Variants in CPNE8 observed in about 807,000 individuals in gnomAD.
CPNE8 encodes copine-8.
A neutral mutation model predicts 81.5 loss-of-function variants in CPNE8; 45 were observed. The ratio of observed to expected loss-of-function variants is 0.55; its 90% confidence interval spans 0.44 to 0.71. CPNE8 has a LOEUF of 0.71. Among genes scored for constraint, CPNE8 ranks in the 30% least tolerant of loss-of-function variants. The pLI, the probability that CPNE8 is intolerant of heterozygous loss-of-function variation, is 0.00. For missense variants in CPNE8, 594 were observed against 672.1 expected, an observed-to-expected ratio of 0.88 and a Z score of 1.28; for synonymous variants, 252 against 226.3, an observed-to-expected ratio of 1.11 and a Z score of -1.02.
At chr12:38,702,992 G>T in intron 13 of CPNE8, 71 bp from the exon 14 acceptor site, 3 of 1,101,126 alleles carry the variant, frequency 2.7e-6, no homozygotes, top group Middle Eastern at 2.1e-4. Flanking sequence ...TTCCATTTCG[G>T]TTATATTTTT....
intron 19 of CPNE8, among the ~76,000 whole-genome samples, chr12:38,665,482 C>A (rs1004118145): frequency 2.0e-5 from 3 of 151,938 alleles, no homozygotes; most frequent in African/African-American, 7.3e-5. Flanking sequence ...GCTCTAGCTG[C>A]TTGCTTTACC....
intron 6 of CPNE8, among the ~76,000 whole-genome samples, chr12:38,807,224 C>T (rs1942830192): frequency 6.7e-6 from 1 of 149,488 alleles, no homozygotes; most frequent in African/African-American, 2.4e-5. Context: ...CTACCAATGA[C>T]TTTCTTCACA....
At chr12:38,778,850 A>G (rs1323557984) in intron 6 of CPNE8, among the ~76,000 whole-genome samples, 1 of 152,186 alleles carries the variant, frequency 6.6e-6, no homozygotes. Flanking sequence ...AGTATGTAAT[A>G]TACAGTCATG....
In CPNE8 at chr12:38,839,958, A is replaced by G; in HGVS notation, c.291-3T>C. 6.3e-7 allele frequency: 1 copy of G among 1,579,344 alleles called. No individual in the cohort carries two copies. On this transcript the variant is annotated splice_region_variant and splice_polypyrimidine_tract_variant and intron_variant, in intron 4 of 19. Transcript: ENST00000331366. ...GGCTCTTTGAATCAACATCATACCT[A>G]AAAGATTGAAATATAAAACTCAAAT...
At chr12:38,891,138 C>T (rs544243123) in intron 1 of CPNE8, among the ~76,000 whole-genome samples, 1 of 151,782 alleles carries the variant, frequency 6.6e-6, no homozygotes, top group Non-Finnish European at 1.5e-5. Flanking sequence ...ACCCTGTTGT[C>T]CAGGCTGATT....
intron 10 of CPNE8, among the ~76,000 whole-genome samples, chr12:38,756,967 A>G (rs1185516298): frequency 6.6e-6 from 1 of 152,200 alleles, no homozygotes; most frequent in Non-Finnish European, 1.5e-5. Context: ...TATTAAAATG[A>G]CAATATTCTG....
At chr12:38,861,339 A>C (rs1943831092) in intron 3 of CPNE8, among the ~76,000 whole-genome samples, 1 of 152,120 alleles carries the variant, frequency 6.6e-6, no homozygotes, top group African/African-American at 2.4e-5. Context: ...TACACTTAAA[A>C]TTTTTTAAAG....
At chr12:38,723,677 G>C in intron 13 of CPNE8, 95 bp downstream of exon 13, 1 of 775,164 alleles carries the variant, frequency 1.3e-6, no homozygotes, top group Non-Finnish European at 2.3e-6. Flanking sequence ...TATAATAAAG[G>C]TGATCATTTC....
In CPNE8 at chr12:38,652,283, G is replaced by A. The variant is rs1261307752; in HGVS notation, c.*1599C>T. On this transcript the variant is annotated 3_prime_UTR_variant, in exon 20 of 20. Transcript: ENST00000331366. ...AATCTGTAGGTAATACACTGTAGTG[G>A]CATAAATATTTAAGATCAGTAAAGG... The A allele has an allele frequency of 6.6e-6, 1 of 152,122 alleles. No individual in the cohort carries two copies. The highest frequency in any genetic ancestry group is 1.9e-4 in the East Asian group (1 of 5,192). The allele number at this position is 152,122 out of a possible 1,614,324, so 9.4% of individuals were successfully genotyped here. A position where few individuals can be genotyped will look rare whatever the true frequency, so the allele number is the denominator to read the frequency against.
chr12:38,753,181 G>A (rs1316948867), intron 10 of CPNE8, among the ~76,000 whole-genome samples: 1 of 152,210 alleles, frequency 6.6e-6, no homozygotes, highest in South Asian at 2.1e-4. Flanking sequence ...GCAGGGTGTA[G>A]TGGCTCATGC....
chr12:38,835,006 C>T (rs1943356976), intron 5 of CPNE8, among the ~76,000 whole-genome samples: 1 of 152,010 alleles, frequency 6.6e-6, no homozygotes, highest in Non-Finnish European at 1.5e-5. Context: ...CCTGCCTCAG[C>T]CTCCTGAGTA....
chr12:38,679,597 T>C (rs1440218639), intron 16 of CPNE8: 8 of 984,988 alleles, frequency 8.1e-6, no homozygotes, highest in Non-Finnish European at 9.6e-6. Context: ...TTAAGTTCTG[T>C]CCAATCCATT....
chr12:38,669,154 T>C (rs1939120711), intron 19 of CPNE8, among the ~76,000 whole-genome samples: 1 of 152,190 alleles, frequency 6.6e-6, no homozygotes, highest in Non-Finnish European at 1.5e-5. Flanking sequence ...AACCTAATCA[T>C]TTATGTGAGT....
intron 1 of CPNE8, among the ~76,000 whole-genome samples, chr12:38,896,628 C>T (rs1167660458): frequency 6.6e-6 from 1 of 152,094 alleles, no homozygotes; most frequent in Non-Finnish European, 1.5e-5. Flanking sequence ...AGCAGACTAC[C>T]TCCTACCTGT....
At chr12:38,682,332 C>T (rs1190499588) in intron 16 of CPNE8, among the ~76,000 whole-genome samples, 7 of 152,016 alleles carry the variant, frequency 4.6e-5, no homozygotes, top group South Asian at 2.1e-4. Flanking sequence ...CCAAGGCGGG[C>T]GGATCGCCTG....
chr12:38,729,194 A>G (rs1250475867), intron 11 of CPNE8, among the ~76,000 whole-genome samples: 1 of 152,124 alleles, frequency 6.6e-6, no homozygotes, highest in Non-Finnish European at 1.5e-5. Flanking sequence ...GATGTTAGGC[A>G]GACAAAATAG....
chr12:38,886,795 T>C (rs1159547192), intron 1 of CPNE8, among the ~76,000 whole-genome samples: 1 of 152,094 alleles, frequency 6.6e-6, no homozygotes, highest in Non-Finnish European at 1.5e-5. Flanking sequence ...AAGGAATATA[T>C]AATAGGAAAC....
intron 10 of CPNE8, among the ~76,000 whole-genome samples, chr12:38,748,539 C>T (rs892521218): frequency 2.0e-5 from 3 of 151,766 alleles, no homozygotes; most frequent in Admixed American, 2.0e-4. Context: ...CTCGCTCTGT[C>T]GCCCAGGCTG....
intron 1 of CPNE8, among the ~76,000 whole-genome samples, chr12:38,893,864 GGAAT>G (rs1273196549): frequency 6.6e-6 from 1 of 152,024 alleles, no homozygotes; most frequent in Non-Finnish European, 1.5e-5. Flanking sequence ...ATACACTAGA[GGAAT>G]TGTCTATCTA....
Sources: gnomAD v4.1 joint callset for allele counts (sites outside exome capture counted in the v4.1 genomes callset) on GRCh38, gnomAD v4.1.1 for gene constraint, MANE v1.5 for transcripts, NCBI Gene and HGNC (gene_info 2026-07-23, HGNC 2026-07-21) for gene names.